Variants in TOP6BL observed in about 807,000 individuals in gnomAD.
The protein encoded by TOP6BL is TOP6B like initiator of meiotic double strand breaks.
chr11:66,810,790 C>A, the TOP6BL span, among the ~76,000 whole-genome samples: 1 of 152,108 alleles, frequency 6.6e-6, no homozygotes, highest in Non-Finnish European at 1.5e-5. Context: ...TAAATTATTT[C>A]CTTTTGGCAT....
At chr11:66,817,445 A>AT in the TOP6BL span, among the ~76,000 whole-genome samples, 234 of 152,092 alleles carry the variant, frequency 1.5e-3, no homozygotes, top group Middle Eastern at 6.8e-3. Context: ...GATGATGATG[A>AT]TGATGATTTT....
the TOP6BL span, among the ~76,000 whole-genome samples, chr11:66,797,002 CTT>C: frequency 1.4e-4 from 19 of 136,284 alleles, no homozygotes; most frequent in Non-Finnish European, 1.6e-4. Context: ...CCAAGGCAAT[CTT>C]TTTTTTTTTT....
the TOP6BL span, among the ~76,000 whole-genome samples, chr11:66,796,545 C>T: frequency 2.6e-5 from 4 of 151,792 alleles, no homozygotes; most frequent in Non-Finnish European, 1.5e-5. Context: ...TTTGGGAGGC[C>T]GAGGCGGGAG....
the TOP6BL span, among the ~76,000 whole-genome samples, chr11:66,802,898 T>C: frequency 6.6e-6 from 1 of 152,228 alleles, no homozygotes; most frequent in African/African-American, 2.4e-5. Context: ...TTTGTAGATG[T>C]GTTTCCTTGG....
the TOP6BL span, chr11:66,761,851 C>A: frequency 3.3e-6 from 3 of 918,114 alleles, no homozygotes; most frequent in African/African-American, 4.9e-5. Context: ...CCAGCTTCAT[C>A]CTCTGGATAA....
the TOP6BL span, chr11:66,839,010 C>T: frequency 9.9e-6 from 4 of 404,976 alleles, no homozygotes; most frequent in Admixed American, 7.9e-5. Context: ...GGATTACAGG[C>T]GTGAGCCACC....
At chr11:66,769,086 C>T in the TOP6BL span, among the ~76,000 whole-genome samples, 1 of 152,156 alleles carries the variant, frequency 6.6e-6, no homozygotes, top group East Asian at 1.9e-4. Context: ...CAGCTGGGAA[C>T]ACAAGGAGAG....
chr11:66,744,818 G>C, the TOP6BL span: 1 of 1,292,610 alleles, frequency 7.7e-7, no homozygotes, highest in Non-Finnish European at 9.8e-7. Flanking sequence ...GGCTGAGGAG[G>C]GGGCGGCGGC....
At chr11:66,768,827 C>T in the TOP6BL span, among the ~76,000 whole-genome samples, 2 of 152,060 alleles carry the variant, frequency 1.3e-5, no homozygotes, top group Admixed American at 6.6e-5. Context: ...TATTCCTTTT[C>T]CTTTTGAACT....
the TOP6BL span, among the ~76,000 whole-genome samples, chr11:66,766,457 ACT>A: frequency 6.6e-6 from 1 of 152,156 alleles, no homozygotes; most frequent in African/African-American, 2.4e-5. Flanking sequence ...CTGGTCCCTA[ACT>A]ATTTATACTT....
the TOP6BL span, among the ~76,000 whole-genome samples, chr11:66,754,735 G>A: frequency 6.6e-6 from 1 of 152,068 alleles, no homozygotes; most frequent in African/African-American, 2.4e-5. Flanking sequence ...GGGGGTATTG[G>A]GTATCTCAGC....
chr11:66,800,969 T>G, the TOP6BL span: 32 of 1,568,622 alleles, frequency 2.0e-5, no homozygotes, highest in Middle Eastern at 1.7e-4. Context: ...CCAAAATTTA[T>G]GTCAAACAGA....
the TOP6BL span, among the ~76,000 whole-genome samples, chr11:66,751,526 G>T: frequency 6.9e-5 from 10 of 145,960 alleles, no homozygotes; most frequent in African/African-American, 2.0e-4. Context: ...TTATAGAGAT[G>T]AGGTCTCCCT....
At chr11:66,789,599 T>A in the TOP6BL span, among the ~76,000 whole-genome samples, 1 of 152,094 alleles carries the variant, frequency 6.6e-6, no homozygotes, top group Non-Finnish European at 1.5e-5. Context: ...TCATGTCAAG[T>A]AGCAATAAAA....
chr11:66,791,818 ATT>A, the TOP6BL span, among the ~76,000 whole-genome samples: 23 of 138,108 alleles, frequency 1.7e-4, no homozygotes, highest in Admixed American at 3.7e-4. Context: ...CTTTCTAATA[ATT>A]TTTTTTTTTT....
the TOP6BL span, among the ~76,000 whole-genome samples, chr11:66,778,038 G>A: frequency 2.0e-5 from 3 of 150,980 alleles, no homozygotes; most frequent in African/African-American, 7.3e-5. Context: ...CTTTTAATAA[G>A]TGTTTACCAC....
At chr11:66,766,753 CT>C in the TOP6BL span, among the ~76,000 whole-genome samples, 19 of 152,302 alleles carry the variant, frequency 1.2e-4, no homozygotes, top group East Asian at 2.7e-3. Context: ...ATTTTTCCCC[CT>C]CTTGATCACT....
At chr11:66,812,443 T>C in the TOP6BL span, among the ~76,000 whole-genome samples, 1 of 152,182 alleles carries the variant, frequency 6.6e-6, no homozygotes, top group Non-Finnish European at 1.5e-5. Context: ...CCCAAAGTGC[T>C]GGGATTATAG....
At chr11:66,783,360 TCAGA>T in the TOP6BL span, among the ~76,000 whole-genome samples, 42 of 152,192 alleles carry the variant, frequency 2.8e-4, 1 homozygote, top group African/African-American at 7.9e-4. Context: ...TGATCCTGTC[TCAGA>T]CAGACAGACA....
Sources: gnomAD v4.1 joint callset for allele counts (sites outside exome capture counted in the v4.1 genomes callset) on GRCh38, gnomAD v4.1.1 for gene constraint, MANE v1.5 for transcripts, NCBI Gene and HGNC (gene_info 2026-07-23, HGNC 2026-07-21) for gene names.